Variants in KCNK12 observed in about 807,000 individuals in gnomAD.
KCNK12 encodes the protein potassium channel subfamily K member 12.
In KCNK12, 6 loss-of-function variants were observed where a neutral mutation model predicts 25.3. The ratio of observed to expected loss-of-function variants is 0.24; its 90% CI spans 0.13 to 0.47. The LOEUF (loss-of-function observed/expected upper bound fraction) is 0.47. KCNK12 is among the 20% of genes least tolerant of loss of function. KCNK12 has a pLI of 0.99. For synonymous variants in KCNK12, 331 were observed against 311.1 expected, an observed-to-expected ratio of 1.06 and a Z score of -0.67; for missense variants, 444 against 661.7, an observed-to-expected ratio of 0.67 and a Z score of 3.61.
chr2:47,512,669 C>G lies in KCNK12; in HGVS notation c.*8238G>C. The stretch of plus-strand genomic sequence containing the variant: ...TGATGTGCCCTTGTACACCCACTGC[C>G]TCTGAACTCTGCTCTGCATTGCTGA... On this transcript the variant is annotated 3_prime_UTR_variant, in exon 2 of 2. Transcript: ENST00000327876. 1 of 493,360 alleles carries G rather than the reference C, an allele frequency of 2.0e-6. No homozygotes were observed. 30.6% of individuals were successfully genotyped at this position (493,360 alleles called of 1,614,324 possible). A position where few individuals can be genotyped will look rare whatever the true frequency, so the allele number is the denominator to read the frequency against.
rs192793041 is a variant in KCNK12, at chr2:47,528,716, T to C, written c.392-6908A>G. Among the ~76,000 whole-genome samples the C allele has an allele frequency of 2.2e-3, 336 of 152,344 alleles. 1 individual carries two copies. Among genetic ancestry groups the C allele is most frequent in the Admixed American group, 3.5e-3 (54 of 15,308 alleles). ...TGCAAAGAGCAGACACTTGGGGGCT[T>C]TATTATGCCACTTTGACAAAAGCTG... On this transcript the variant is annotated intron_variant, in intron 1 of 1. Transcript: ENST00000327876. This position sits in a 1 kb window ranked among gnomAD's most constrained non-coding sequence, Gnocchi z 4.5.
chr2:47,525,540 G>A lies in KCNK12; in HGVS notation c.392-3732C>T, dbSNP rs1668751263. Reference sequence around the variant, plus strand: ...ACTGGGGCAGCCCCCACAGGCAGGGGAGGAAGAGGGCAGTCCCAGGGGCCA... The same window carrying A: ...ACTGGGGCAGCCCCCACAGGCAGGGAAGGAAGAGGGCAGTCCCAGGGGCCA... On this transcript the variant is annotated intron_variant, in intron 1 of 1. Coordinates refer to ENST00000327876, the MANE Select transcript of KCNK12 (RefSeq NM_022055.2). This position sits in a 1 kb window ranked among gnomAD's most constrained non-coding sequence, Gnocchi z 4.1. Among the ~76,000 whole-genome samples the A allele has an allele frequency of 6.6e-6, 1 of 152,208 alleles. No homozygotes were observed. The highest frequency in any genetic ancestry group is 1.5e-5 in the Non-Finnish European group (1 of 68,030).
rs995353740 is a variant in KCNK12, at chr2:47,556,086, C to T, written c.391+13855G>A. On this transcript the variant is annotated intron_variant, in intron 1 of 1. Coordinates refer to ENST00000327876, the MANE Select transcript of KCNK12 (RefSeq NM_022055.2). The surrounding 1 kb of genome is among the most constrained non-coding windows in gnomAD (Gnocchi z 4.8). ...GCAGGTGAGGGAGAGGTTGACTACT[C>T]TTCTCAGAAGCTTTCCTGTAAAGGA... The T allele has an allele frequency of 6.6e-6, 1 of 152,262 alleles. No homozygotes were observed. The highest frequency in any genetic ancestry group is 2.4e-5 in the African/African-American group (1 of 41,444). The allele number at this position is 152,262 out of a possible 1,614,324, so 9.4% of individuals were successfully genotyped here.
intron 1 of KCNK12, among the ~76,000 whole-genome samples, chr2:47,554,905 A>G (rs1333965399): frequency 2.0e-5 from 3 of 152,204 alleles, no homozygotes; most frequent in African/African-American, 7.2e-5. Context: ...TGAGCTGACA[A>G]GAGTTGATGA....
intron 1 of KCNK12, among the ~76,000 whole-genome samples, chr2:47,558,521 C>T (rs752467845): frequency 3.3e-5 from 5 of 152,246 alleles, no homozygotes; most frequent in African/African-American, 4.8e-5. Context: ...GAAATGCCAA[C>T]ACACTCAGCA....
chr2:47,534,257 G>A lies in KCNK12; in HGVS notation c.392-12449C>T, dbSNP rs1420796624. Among the ~76,000 whole-genome samples the A allele has an allele frequency of 1.3e-5, 2 of 151,938 alleles. 1 individual carries two copies. The highest frequency in any genetic ancestry group is 4.8e-5 in the African/African-American group (2 of 41,340). On this transcript the variant is annotated intron_variant, in intron 1 of 1. Coordinates refer to ENST00000327876, the MANE Select transcript of KCNK12 (RefSeq NM_022055.2). ...CCCCCACTCTGTGCTTTATCTCTGG[G>A]ATTAAGGTTTTCTCTCCTCACCAGA...
At position 47,510,656 on chromosome 2, in the gene KCNK12, A is replaced by G. The variant is rs1337194204; in HGVS notation, c.*10251T>C. On this transcript the variant is annotated 3_prime_UTR_variant, in exon 2 of 2. Transcript: ENST00000327876. ...TTATCTCTATTCAGTGGAACACAGC[A>G]GCACTGTGACCTGCCCACGAGAAGA... is the stretch of plus-strand genomic sequence containing the variant. Among the ~76,000 whole-genome samples, 19 of 152,216 alleles carry G rather than the reference A, an allele frequency of 1.2e-4. No homozygotes were observed. The highest frequency in any genetic ancestry group is 1.2e-3 in the Admixed American group (19 of 15,280).
Position 47,555,645 on chromosome 2 carries a change from A to G in KCNK12, c.391+14296T>C, listed in dbSNP as rs890965957. The stretch of plus-strand genomic sequence containing the variant: ...TTTCTATGAAGGCCTCCATATGTAT[A>G]TGCAATAAATCTTTTCTCCTATTAA... On this transcript the variant is annotated intron_variant, in intron 1 of 1. Transcript: ENST00000327876. The surrounding 1 kb of genome is among the most constrained non-coding windows in gnomAD (Gnocchi z 4.5). Among the ~76,000 whole-genome samples, 1 of 152,212 alleles carries G rather than the reference A, an allele frequency of 6.6e-6. No homozygotes were observed. Among genetic ancestry groups the G allele is most frequent in the African/African-American group, 2.4e-5 (1 of 41,454 alleles).
At position 47,555,479 on chromosome 2, in the gene KCNK12, A is replaced by G. The variant is rs1166972936; in HGVS notation, c.391+14462T>C. ...ACAAACCTTACTAAAACCAAAGCTT[A>G]TTCTCCATTAGTTTCCCTCCTATAT... On this transcript the variant is annotated intron_variant, in intron 1 of 1. Coordinates refer to ENST00000327876, the MANE Select transcript of KCNK12 (RefSeq NM_022055.2). This position sits in a 1 kb window ranked among gnomAD's most constrained non-coding sequence, Gnocchi z 4.5. Among the ~76,000 whole-genome samples the G allele has an allele frequency of 6.6e-6, 1 of 152,216 alleles. No homozygotes were observed. Among genetic ancestry groups the G allele is most frequent in the Non-Finnish European group, 1.5e-5 (1 of 68,038 alleles).
At chr2:47,564,382 A>G (rs982245811) in intron 1 of KCNK12, 1 of 227,086 alleles carries the variant, frequency 4.4e-6, no homozygotes, top group African/African-American at 2.2e-5. Flanking sequence ...AGAAAAGGCC[A>G]TCTTGCGTAA....
intron 1 of KCNK12, among the ~76,000 whole-genome samples, chr2:47,561,618 T>A (rs561520195): frequency 6.6e-6 from 1 of 152,228 alleles, no homozygotes; most frequent in East Asian, 1.9e-4. Flanking sequence ...CCAACAGGGT[T>A]GCCGAGATCT....
At chr2:47,534,061 G>A (rs1042251439) in intron 1 of KCNK12, among the ~76,000 whole-genome samples, 2 of 151,978 alleles carry the variant, frequency 1.3e-5, no homozygotes, top group African/African-American at 4.8e-5. Flanking sequence ...GGACAGCTGA[G>A]GTGGCAGGAG....
intron 1 of KCNK12, among the ~76,000 whole-genome samples, chr2:47,545,740 A>C (rs1162644032): frequency 6.6e-6 from 1 of 152,210 alleles, no homozygotes; most frequent in African/African-American, 2.4e-5. Context: ...TTAAATGAGA[A>C]GAAGTGTGTA....
In KCNK12 at chr2:47,519,791, G is replaced by T. The variant is rs1668607554; in HGVS notation, c.*1116C>A. On this transcript the variant is annotated 3_prime_UTR_variant, in exon 2 of 2. Coordinates refer to ENST00000327876, the MANE Select transcript of KCNK12 (RefSeq NM_022055.2). ...TCTTTCCTGACCCCAAACACATCAT[G>T]GCCTCTGGAGCCAAATACCCTGACA... The T allele has an allele frequency of 6.6e-6, 1 of 152,210 alleles. No individual in the cohort carries two copies. The highest frequency in any genetic ancestry group is 1.5e-5 in the Non-Finnish European group (1 of 68,058). The allele number at this position is 152,210 out of a possible 1,614,324, so 9.4% of individuals were successfully genotyped here.
chr2:47,528,865 G>A lies in KCNK12; in HGVS notation c.392-7057C>T, dbSNP rs138936330. 3.7e-3 allele frequency among the ~76,000 whole-genome samples: 565 copies of A among 152,212 alleles called. 7 individuals are homozygous for A. The highest frequency in any genetic ancestry group is 0.013 in the African/African-American group (536 of 41,504). On this transcript the variant is annotated intron_variant, in intron 1 of 1. Coordinates refer to ENST00000327876, the MANE Select transcript of KCNK12 (RefSeq NM_022055.2). The surrounding 1 kb of genome is among the most constrained non-coding windows in gnomAD (Gnocchi z 4.5). ...GGAGAGGCCAGCACTGATCTGTATC[G>A]TGCAGCCCTGGGCGGCAGCCTCGGT...
At chr2:47,521,878 GT>G in intron 1 of KCNK12, 70 bp from the exon 2 acceptor site, 41 of 1,236,890 alleles carry the variant, frequency 3.3e-5, no homozygotes, top group Non-Finnish European at 4.1e-5. Flanking sequence ...AGGGTGGGGG[GT>G]GTGGGGGCGG....
rs1284717523 is a variant in KCNK12 at position 47,521,531 on chromosome 2, G to A, written c.669C>T (p.Phe223=). 6.4e-7 allele frequency: 1 copy of A among 1,571,104 alleles called. No individual in the cohort carries two copies. The highest frequency in any genetic ancestry group is 1.2e-5 in the South Asian group (1 of 85,718). The change falls in exon 2 of 2, where the codon TTC becomes TTT. Residue 223 remains phenylalanine (F), a synonymous_variant. Coordinates refer to ENST00000327876, the MANE Select transcript of KCNK12 (RefSeq NM_022055.2). ...VYHVLLILGL[F]AVLLSCCASA... ...AGGCGCAGCAGGACAGCAGCACGGC[G>A]AACAGGCCCAGGATGAGCAGCACGT...
At chr2:47,541,446 G>A (rs1159927899) in intron 1 of KCNK12, among the ~76,000 whole-genome samples, 1 of 151,988 alleles carries the variant, frequency 6.6e-6, no homozygotes, top group Non-Finnish European at 1.5e-5. Context: ...TTTAAAATTT[G>A]GGCTGACTCT....
Position 47,540,402 on chromosome 2 carries a change from C to T in KCNK12, c.392-18594G>A, listed in dbSNP as rs895789378. ...CCTGCTCAGGGTTTGAATGAGACCC[C>T]GGTAACCGCAGCAGTAAAGACCCCT... On this transcript the variant is annotated intron_variant, in intron 1 of 1. Transcript: ENST00000327876. This position sits in a 1 kb window ranked among gnomAD's most constrained non-coding sequence, Gnocchi z 5.4. Among the ~76,000 whole-genome samples the T allele has an allele frequency of 2.0e-5, 3 of 152,106 alleles. No individual in the cohort carries two copies. The highest frequency in any genetic ancestry group is 4.4e-5 in the Non-Finnish European group (3 of 68,034).
Sources: allele counts gnomAD v4.1 joint callset (sites outside exome capture counted in the v4.1 genomes callset), GRCh38; gene constraint gnomAD v4.1.1; non-coding constraint Gnocchi (gnomAD v3.1); transcripts MANE v1.5; gene names NCBI Gene and HGNC (gene_info 2026-07-23, HGNC 2026-07-21).